Variants in ANKRD42 observed in about 807,000 individuals in gnomAD.
ANKRD42 encodes ankyrin repeat domain-containing protein 42.
Under a neutral mutation model 51.5 loss-of-function variants are expected in ANKRD42, and 43 were observed. The ratio of observed to expected loss-of-function variants is 0.83; its 90% CI spans 0.65 to 1.08. The LOEUF (loss-of-function observed/expected upper bound fraction) is 1.08. Ranked by LOEUF, ANKRD42 falls within the 50% of genes least tolerant of loss-of-function variation. ANKRD42 has a pLI of 0.00. For missense variants in ANKRD42, 608 were observed against 629.3 expected (o/e 0.97, Z 0.36); for synonymous variants, 203 against 213.0 (o/e 0.95, Z 0.41).
chr11:83,249,442 T>C (rs1348835103), downstream of ANKRD42, among the ~76,000 whole-genome samples: 1 of 152,164 alleles, frequency 6.6e-6, no homozygotes, highest in East Asian at 1.9e-4. Context: ...CAAGGCTAAG[T>C]TGTTGTTCTT....
chr11:83,210,406 T>C lies in ANKRD42; in HGVS notation c.437T>C (p.Leu146Pro). The change falls in exon 4 of 11, where the codon CTC becomes CCC. Residue 146 changes from leucine to proline, a missense_variant. Leu to Pro is a moderately conservative substitution (Grantham distance 98). Transcript: ENST00000533342. ...HGHSFTLQIM[L>P]RSGVDPSVTD... is the part of the protein sequence containing the mutation. ...CATTCTTTCACTTTACAAATAATGC[T>C]CCGAAGTGGAGTGGTGAGTGACTCC... 6.2e-7 allele frequency: 1 copy of C among 1,613,950 alleles called. No homozygotes were observed. Among genetic ancestry groups the C allele is most frequent in the Non-Finnish European group, 8.5e-7 (1 of 1,179,868 alleles).
chr11:83,195,090 A>G (rs992220289), intron 1 of ANKRD42, among the ~76,000 whole-genome samples: 8 of 152,146 alleles, frequency 5.3e-5, no homozygotes, highest in Admixed American at 2.0e-4. Flanking sequence ...CACTCCATTG[A>G]GTGACCCTTT....
intron 5 of ANKRD42, among the ~76,000 whole-genome samples, chr11:83,221,850 C>G (rs1292505755): frequency 2.0e-5 from 3 of 152,186 alleles, no homozygotes; most frequent in Non-Finnish European, 4.4e-5. Context: ...GGATGGTAGT[C>G]CTACCTCTCC....
intron 7 of ANKRD42, among the ~76,000 whole-genome samples, chr11:83,233,549 A>C (rs1425482609): frequency 6.6e-6 from 1 of 151,552 alleles, no homozygotes; most frequent in Non-Finnish European, 1.5e-5. Flanking sequence ...TGTTTCATTG[A>C]TCTTTTGTAT....
Position 83,193,891 on chromosome 11 carries a change from C to A in ANKRD42, c.-780C>A. ...CCACCACGTGTGGAGGATAAACGGT[C>A]TACACGGCCATTCCGGCGCCGAGTC... On this transcript the variant is annotated 5_prime_UTR_variant, in exon 1 of 11. Transcript: ENST00000533342. 1 of 454,568 alleles carries A rather than the reference C, an allele frequency of 2.2e-6. No individual in the cohort carries two copies. Among genetic ancestry groups the A allele is most frequent in the South Asian group, 1.6e-5 (1 of 64,496 alleles). 28.2% of individuals were successfully genotyped at this position (454,568 alleles called of 1,614,324 possible).
At chr11:83,223,176 G>C (rs1862767086) in intron 5 of ANKRD42, among the ~76,000 whole-genome samples, 1 of 152,192 alleles carries the variant, frequency 6.6e-6, no homozygotes, top group Non-Finnish European at 1.5e-5. Flanking sequence ...CTTGAACCCA[G>C]GAGGTGGAGG....
intron 2 of ANKRD42, among the ~76,000 whole-genome samples, chr11:83,199,379 C>G (rs751164930): frequency 2.0e-5 from 3 of 152,054 alleles, no homozygotes; most frequent in Non-Finnish European, 4.4e-5. Flanking sequence ...AATGATATCA[C>G]ATTATGTATA....
At chr11:83,234,746 G>A (rs913681023) in intron 7 of ANKRD42, among the ~76,000 whole-genome samples, 1 of 152,110 alleles carries the variant, frequency 6.6e-6, no homozygotes, top group Non-Finnish European at 1.5e-5. Flanking sequence ...GTCTAAAGTG[G>A]GGTTTTTAAT....
chr11:83,258,216 C>A (rs983239612), downstream of ANKRD42, among the ~76,000 whole-genome samples: 2 of 152,046 alleles, frequency 1.3e-5, no homozygotes, highest in African/African-American at 4.8e-5. Flanking sequence ...TAAACCTAAT[C>A]TTATTTAAGC....
intron 5 of ANKRD42, among the ~76,000 whole-genome samples, chr11:83,220,607 G>C (rs1445426429): frequency 6.6e-6 from 1 of 152,200 alleles, no homozygotes; most frequent in Non-Finnish European, 1.5e-5. Context: ...GTCCCGAATG[G>C]GTAGCCCTTC....
chr11:83,236,965 G>A (rs1447111379), intron 8 of ANKRD42, among the ~76,000 whole-genome samples: 2 of 152,142 alleles, frequency 1.3e-5, no homozygotes, highest in Non-Finnish European at 1.5e-5. Context: ...AACATATTTT[G>A]CAATTTACAT....
chr11:83,205,593 C>A (rs112721708), intron 2 of ANKRD42, among the ~76,000 whole-genome samples: 1 of 151,710 alleles, frequency 6.6e-6, no homozygotes, highest in Non-Finnish European at 1.5e-5. Context: ...TTAAATAAAC[C>A]ATTTATTTTT....
chr11:83,206,617 C>T (rs550855965), intron 3 of ANKRD42, among the ~76,000 whole-genome samples: 1 of 152,186 alleles, frequency 6.6e-6, no homozygotes, highest in Admixed American at 6.5e-5. Context: ...TAGCCTCTTC[C>T]ACCATATGAG....
At chr11:83,242,567 G>GTTTTTTTTTTTTTTTGTTTTT (rs1863421829) in intron 9 of ANKRD42, among the ~76,000 whole-genome samples, 2 of 115,546 alleles carry the variant, frequency 1.7e-5, no homozygotes, top group African/African-American at 6.9e-5. Flanking sequence ...TGGTAGTTAA[G>GTTTTTTTTTTTTTTTGTTTTT]TTTTTTTTTT....
At chr11:83,236,864 A>C (rs1863240362) in intron 8 of ANKRD42, among the ~76,000 whole-genome samples, 1 of 152,230 alleles carries the variant, frequency 6.6e-6, no homozygotes, top group African/African-American at 2.4e-5. Flanking sequence ...GTCCCATCCA[A>C]ATGCCTGTAG....
chr11:83,248,999 C>A (rs1008368000), downstream of ANKRD42: 19 of 982,652 alleles, frequency 1.9e-5, no homozygotes, highest in African/African-American at 3.3e-4. Context: ...TTGCAACCCT[C>A]TTCTTGTACG....
intron 2 of ANKRD42, 38 bp from the exon 3 acceptor site, chr11:83,206,020 A>C: frequency 6.5e-7 from 1 of 1,535,788 alleles, no homozygotes; most frequent in Non-Finnish European, 9.0e-7. Flanking sequence ...TGTTAAAAAC[A>C]TCCACTTTAT....
intron 5 of ANKRD42, chr11:83,215,186 A>G (rs1324367678): frequency 6.6e-6 from 1 of 152,186 alleles, no homozygotes; most frequent in African/African-American, 2.4e-5. Flanking sequence ...GTTAATAAAC[A>G]TGAGAGTGCA....
rs568355107 is a variant in ANKRD42, at chr11:83,213,140, C to T, written c.586+1710C>T. 50 of 1,601,534 alleles carry T rather than the reference C, an allele frequency of 3.1e-5. 1 individual carries two copies. In the African/African-American group the frequency reaches 3.2e-4, roughly 10 times the overall value. ...ACCCAGAGGTATTGACAACAGGGTT[C>T]GTAGAAGGTTCAAGGACCAATCTTG... On this transcript the variant is annotated intron_variant, in intron 5 of 10. Transcript: ENST00000533342.
Sources: gnomAD v4.1 joint callset for allele counts (sites outside exome capture counted in the v4.1 genomes callset) on GRCh38, gnomAD v4.1.1 for gene constraint, MANE v1.5 for transcripts, NCBI Gene and HGNC (gene_info 2026-07-23, HGNC 2026-07-21) for gene names.